Variants in NOX4 observed in about 807,000 individuals in gnomAD.
NOX4 encodes the protein kidney oxidase-1.
Under a neutral mutation model 87.6 loss-of-function variants are expected in NOX4, and 69 were observed. That is an observed-to-expected ratio of 0.79 (90% confidence interval 0.65 to 0.96). The LOEUF is 0.96. Ranked by LOEUF, NOX4 falls within the 40% of genes least tolerant of loss-of-function variation. The pLI is 0.00. For synonymous variants in NOX4, 275 were observed against 238.2 expected (o/e 1.15, Z -1.42); for missense variants, 680 against 681.5 (o/e 1.00, Z 0.02).
intron 11 of NOX4, among the ~76,000 whole-genome samples, chr11:89,388,146 T>C (rs1940848519): frequency 6.6e-6 from 1 of 152,224 alleles, no homozygotes; most frequent in South Asian, 2.1e-4. Context: ...AAATTTAATT[T>C]CTAGTTTTAA....
At chr11:89,489,723 GT>G (rs1565352826) in intron 2 of NOX4, among the ~76,000 whole-genome samples, 3 of 83,834 alleles carry the variant, frequency 3.6e-5, no homozygotes, top group African/African-American at 1.0e-4. Context: ...GCAAGACTCT[GT>G]CTCAAAAAAA....
At chr11:89,355,876 A>C (rs1938007672) in intron 12 of NOX4, among the ~76,000 whole-genome samples, 1 of 152,162 alleles carries the variant, frequency 6.6e-6, no homozygotes, top group African/African-American at 2.4e-5. Flanking sequence ...AGCACCACTC[A>C]TAGAACAACA....
chr11:89,509,851 T>C, the NOX4 span, among the ~76,000 whole-genome samples: 1 of 152,012 alleles, frequency 6.6e-6, no homozygotes, highest in Non-Finnish European at 1.5e-5. Flanking sequence ...AGGGCTCTGA[T>C]AGCACTCTAC....
chr11:89,351,821 C>T (rs1946468106), intron 13 of NOX4, among the ~76,000 whole-genome samples: 6 of 152,074 alleles, frequency 3.9e-5, no homozygotes, highest in Admixed American at 3.9e-4. Context: ...AAGCAAAGCT[C>T]ACACCAGAAC....
the NOX4 span, among the ~76,000 whole-genome samples, chr11:89,547,515 A>T: frequency 6.6e-6 from 1 of 152,148 alleles, no homozygotes; most frequent in African/African-American, 2.4e-5. Context: ...TACAATATCT[A>T]CTTCTCATAG....
At chr11:89,416,450 C>G (rs1231006036) in intron 8 of NOX4, among the ~76,000 whole-genome samples, 7 of 152,174 alleles carry the variant, frequency 4.6e-5, no homozygotes, top group African/African-American at 1.4e-4. Context: ...AGGGAAGATA[C>G]TTGGGTATCA....
chr11:89,583,994 C>T, the NOX4 span, among the ~76,000 whole-genome samples: 4 of 152,054 alleles, frequency 2.6e-5, no homozygotes, highest in African/African-American at 9.7e-5. Context: ...ATCAATGATG[C>T]CTTTGAAAAA....
the NOX4 span, among the ~76,000 whole-genome samples, chr11:89,564,749 TTTTTG>T: frequency 9.3e-6 from 1 of 107,946 alleles, no homozygotes; most frequent in African/African-American, 4.3e-5. Context: ...TGTTGTTTGT[TTTTTG>T]TTTTTTTTTT....
chr11:89,530,957 C>A, the NOX4 span, among the ~76,000 whole-genome samples: 14 of 152,268 alleles, frequency 9.2e-5, no homozygotes, highest in South Asian at 2.9e-3. Flanking sequence ...TTGATTATTT[C>A]TATTCCCAGA....
the NOX4 span, among the ~76,000 whole-genome samples, chr11:89,522,347 G>A: frequency 0.16 from 23,848 of 152,088 alleles, 2,446 homozygotes; most frequent in Admixed American, 0.26. Flanking sequence ...AAGAAATTAT[G>A]TCCCTTGTAG....
At chr11:89,582,799 T>A in the NOX4 span, among the ~76,000 whole-genome samples, 1 of 152,180 alleles carries the variant, frequency 6.6e-6, no homozygotes, top group East Asian at 1.9e-4. Flanking sequence ...TGAATGCTGC[T>A]GTTGGAATTT....
At chr11:89,584,325 G>T in the NOX4 span, among the ~76,000 whole-genome samples, 1 of 152,080 alleles carries the variant, frequency 6.6e-6, no homozygotes, top group African/African-American at 2.4e-5. Context: ...TAAATTTGCT[G>T]CCCCGATCAC....
the NOX4 span, among the ~76,000 whole-genome samples, chr11:89,559,134 G>A: frequency 7.2e-5 from 11 of 151,982 alleles, no homozygotes; most frequent in Non-Finnish European, 1.6e-4. Context: ...GCTAAATGCT[G>A]TATTTCTGTG....
intron 12 of NOX4, among the ~76,000 whole-genome samples, chr11:89,360,562 G>A (rs1938442249): frequency 6.6e-6 from 1 of 152,058 alleles, no homozygotes; most frequent in Non-Finnish European, 1.5e-5. Flanking sequence ...CAGAGAGCCT[G>A]AGTTCTTGAC....
At position 89,424,046 on chromosome 11, in the gene NOX4, C is replaced by A. The variant is rs190166737; in HGVS notation, c.549-2064G>T. On this transcript the variant is annotated intron_variant, in intron 7 of 17. Transcript: ENST00000263317. ...TGTAATCTTATCACTGTATTCCAGC[C>A]TGGATGAGAGAGAAAGACCCTGTCT... Among the ~76,000 whole-genome samples, 27 of 151,792 alleles carry A rather than the reference C, an allele frequency of 1.8e-4. No homozygotes were observed. The East Asian group carries it at 5.2e-3, about 29-fold the overall frequency.
chr11:89,544,733 A>G, the NOX4 span, among the ~76,000 whole-genome samples: 6 of 152,132 alleles, frequency 3.9e-5, no homozygotes, highest in South Asian at 1.2e-3. Context: ...CTGGGCTGAG[A>G]GTGGCTCAGT....
the NOX4 span, among the ~76,000 whole-genome samples, chr11:89,542,224 T>G: frequency 6.6e-6 from 1 of 152,336 alleles, no homozygotes; most frequent in Admixed American, 6.5e-5. Context: ...TGTGCACAAC[T>G]GAAGATTGAT....
chr11:89,561,088 C>CATATATATATATATATAT, the NOX4 span, among the ~76,000 whole-genome samples: 2 of 42,878 alleles, frequency 4.7e-5, no homozygotes, highest in African/African-American at 9.6e-5. Flanking sequence ...TATATATATC[C>CATATATATATATATATAT]TATCAGTTCT....
chr11:89,437,689 C>A (rs1944148294), intron 6 of NOX4, among the ~76,000 whole-genome samples: 1 of 152,096 alleles, frequency 6.6e-6, no homozygotes, highest in South Asian at 2.1e-4. Context: ...ACTCTAGAAG[C>A]AGCCCTTCCC....
Sources: allele counts gnomAD v4.1 joint callset (sites outside exome capture counted in the v4.1 genomes callset), GRCh38; gene constraint gnomAD v4.1.1; transcripts MANE v1.5; gene names NCBI Gene and HGNC (gene_info 2026-07-23, HGNC 2026-07-21).